The following FGF12 variants were observed in gnomAD, a reference collection of about 807,000 sequenced individuals.
The protein encoded by FGF12 is fibroblast growth factor 12.
Under a neutral mutation model 23.6 loss-of-function variants are expected in FGF12, and 14 were observed. The observed-to-expected ratio is 0.59, with a 90% CI of 0.39 to 0.93. The LOEUF (loss-of-function observed/expected upper bound fraction) is 0.93, where lower values mean the gene tolerates loss of function less well. Ranked by LOEUF, FGF12 falls within the 40% of genes least tolerant of loss-of-function variation. The pLI, the probability that FGF12 is intolerant of heterozygous loss-of-function variation, is 0.00. For missense variants in FGF12, 175 were observed against 217.8 expected (o/e 0.80, Z 1.24); for synonymous variants, 62 against 77.3 (o/e 0.80, Z 1.04).
intron 2 of FGF12, among the ~76,000 whole-genome samples, chr3:192,544,064 G>T (rs911381663): frequency 5.3e-5 from 8 of 152,194 alleles, no homozygotes; most frequent in Non-Finnish European, 1.0e-4. Context: ...CTGGTTCTGA[G>T]CAATTCCCCT....
intron 4 of FGF12, among the ~76,000 whole-genome samples, chr3:192,175,319 G>A (rs1246701406): frequency 6.6e-6 from 1 of 152,148 alleles, no homozygotes; most frequent in Non-Finnish European, 1.5e-5. Context: ...CAGTAGTCAT[G>A]TTGTATCTCA....
chr3:192,275,823 T>C (rs1713748880), intron 4 of FGF12, among the ~76,000 whole-genome samples: 1 of 152,154 alleles, frequency 6.6e-6, no homozygotes, highest in Non-Finnish European at 1.5e-5. Flanking sequence ...TATGAAAGAT[T>C]ATAAATTACG....
At chr3:192,628,864 G>A (rs527666937) in intron 2 of FGF12, among the ~76,000 whole-genome samples, 1 of 151,524 alleles carries the variant, frequency 6.6e-6, no homozygotes, top group South Asian at 2.1e-4. Flanking sequence ...TATCGGTTCC[G>A]TTTCTCTGGA....
In FGF12 at chr3:192,714,285, ACT is replaced by A. The variant is rs146886029; in HGVS notation, c.13+12894_13+12895del. On this transcript the variant is annotated intron_variant, in intron 2 of 5. Coordinates refer to ENST00000445105, the MANE Select transcript of FGF12 (RefSeq NM_004113.6). ...TGGATTCAGAAACTGTTCTTTTAGAACTCTGTCTTCGCTAAGGAAGGGTCATC... is the reference window on the plus strand; with the variant it reads ...TGGATTCAGAAACTGTTCTTTTAGAACTGTCTTCGCTAAGGAAGGGTCATC... Among the ~76,000 whole-genome samples the A allele has an allele frequency of 2.9e-3, 444 of 152,108 alleles. 2 individuals carry two copies. The highest frequency in any genetic ancestry group is 0.01 in the African/African-American group (420 of 41,492).
intron 2 of FGF12, among the ~76,000 whole-genome samples, chr3:192,638,440 T>C (rs1715664143): frequency 6.6e-6 from 1 of 152,166 alleles, no homozygotes; most frequent in Non-Finnish European, 1.5e-5. Flanking sequence ...AGGCAGTATC[T>C]GTGTACCTAA....
chr3:192,375,757 G>T (rs2108747752), intron 2 of FGF12, among the ~76,000 whole-genome samples: 1 of 151,600 alleles, frequency 6.6e-6, no homozygotes, highest in South Asian at 2.1e-4. Context: ...CATTACATTT[G>T]TTTATTTATT....
chr3:192,170,646 G>A lies in FGF12; in HGVS notation c.239C>T (p.Thr80Ile). Reference sequence around the variant, plus strand: ...AGATTCCTTGAATTTGCATTCTGGAGTGAAAACATCCTGTAGGAAAAAAAA... The same window carrying A: ...AGATTCCTTGAATTTGCATTCTGGAATGAAAACATCCTGTAGGAAAAAAAA... ...EGYLYSSDVF[T>I]PECKFKESVF... Residue 80 changes from threonine to isoleucine, a missense_variant, in exon 5 of 6, where the codon ACT becomes ATT. Thr to Ile is a moderately conservative substitution (Grantham distance 89, BLOSUM62 -1). Transcript: ENST00000445105. The A allele has an allele frequency of 1.9e-6, 3 of 1,594,900 alleles. No homozygotes were observed. Among genetic ancestry groups the A allele is most frequent in the Non-Finnish European group, 8.5e-7 (1 of 1,173,020 alleles).
chr3:192,151,382 CCT>C (rs1169256962), intron 5 of FGF12, among the ~76,000 whole-genome samples: 4 of 136,316 alleles, frequency 2.9e-5, no homozygotes, highest in East Asian at 2.1e-4. Context: ...AGAGGGCACC[CCT>C]GTCTTGTGCC....
intron 2 of FGF12, among the ~76,000 whole-genome samples, chr3:192,680,455 G>T (rs1366134974): frequency 6.6e-6 from 1 of 152,142 alleles, no homozygotes; most frequent in Non-Finnish European, 1.5e-5. Flanking sequence ...AGGTGGTAGT[G>T]GGGGGAGGTT....
intron 2 of FGF12, among the ~76,000 whole-genome samples, chr3:192,379,616 T>C (rs1002575708): frequency 6.6e-6 from 1 of 152,232 alleles, no homozygotes; most frequent in African/African-American, 2.4e-5. Context: ...ATTTCACATA[T>C]ACGCGTGCAC....
intron 2 of FGF12, among the ~76,000 whole-genome samples, chr3:192,580,792 T>C (rs1161897757): frequency 6.6e-6 from 1 of 152,032 alleles, no homozygotes; most frequent in Non-Finnish European, 1.5e-5. Flanking sequence ...AGAGACAGGG[T>C]TTCACCATGT....
At chr3:192,704,383 G>C (rs1458193613) in intron 2 of FGF12, among the ~76,000 whole-genome samples, 1 of 152,150 alleles carries the variant, frequency 6.6e-6, no homozygotes, top group East Asian at 1.9e-4. Context: ...TTCTCCATGA[G>C]AAGTCTTGGA....
intron 2 of FGF12, among the ~76,000 whole-genome samples, chr3:192,708,892 T>C (rs978844362): frequency 3.9e-5 from 6 of 152,228 alleles, no homozygotes; most frequent in Admixed American, 2.0e-4. Context: ...TTATTGTTAA[T>C]ATTATATTAC....
At chr3:192,212,786 T>G (rs1272029488) in intron 4 of FGF12, among the ~76,000 whole-genome samples, 3 of 141,404 alleles carry the variant, frequency 2.1e-5, no homozygotes, top group African/African-American at 2.6e-5. Context: ...TTCACAAAAA[T>G]GGGGGGGGGG....
chr3:192,176,462 G>A (rs532407414), intron 4 of FGF12, among the ~76,000 whole-genome samples: 10 of 152,268 alleles, frequency 6.6e-5, no homozygotes, highest in South Asian at 2.1e-4. Flanking sequence ...GCAATTCAGC[G>A]CCCAGTTTAT....
At chr3:192,508,172 A>AATG (rs1724368671) in intron 2 of FGF12, among the ~76,000 whole-genome samples, 1 of 152,220 alleles carries the variant, frequency 6.6e-6, no homozygotes, top group Non-Finnish European at 1.5e-5. Context: ...TATAAACAGT[A>AATG]ATGAGTGGAG....
chr3:192,569,711 G>T (rs1243763706), intron 2 of FGF12, among the ~76,000 whole-genome samples: 1 of 152,206 alleles, frequency 6.6e-6, no homozygotes, highest in Admixed American at 6.5e-5. Flanking sequence ...CAACTGGTAA[G>T]TTGCAGAATG....
rs892625884 is a variant in FGF12 at position 192,592,434 on chromosome 3, C to T, written c.13+134747G>A. On this transcript the variant is annotated intron_variant, in intron 2 of 5. Transcript: ENST00000445105. The stretch of plus-strand genomic sequence containing the variant: ...GTAAAGTGGTATTTGCAAACTGTGT[C>T]CTCCTGATCCTAGTCACAGATCCTT... 2.0e-5 allele frequency among the ~76,000 whole-genome samples: 3 copies of T among 151,828 alleles called. 1 individual carries two copies. Among genetic ancestry groups the T allele is most frequent in the Non-Finnish European group, 4.4e-5 (3 of 67,916 alleles).
chr3:192,162,488 A>G (rs1390234047), intron 5 of FGF12, among the ~76,000 whole-genome samples: 3 of 152,124 alleles, frequency 2.0e-5, no homozygotes, highest in Admixed American at 6.5e-5. Flanking sequence ...ATTAAAGACT[A>G]CATTCAGAAA....
Sources: allele counts gnomAD v4.1 joint callset (sites outside exome capture counted in the v4.1 genomes callset), GRCh38; gene constraint gnomAD v4.1.1; transcripts MANE v1.5; gene names NCBI Gene and HGNC (gene_info 2026-07-23, HGNC 2026-07-21).